The following ATP10A variants were observed in gnomAD, a reference collection of about 807,000 sequenced individuals.
ATP10A encodes the protein phospholipid-transporting ATPase VA.
In ATP10A, 111 loss-of-function variants were observed where a neutral mutation model predicts 147.8. The observed-to-expected ratio is 0.75, with a 90% CI of 0.64 to 0.88. ATP10A has a LOEUF of 0.88. Among genes scored for constraint, ATP10A ranks in the 40% least tolerant of loss-of-function variants. The pLI, the probability that ATP10A is intolerant of heterozygous loss-of-function variation, is 0.00. For missense variants in ATP10A, 1,927 were observed against 1,959.0 expected, an observed-to-expected ratio of 0.98 and a Z score of 0.31; for synonymous variants, 875 against 841.6, an observed-to-expected ratio of 1.04 and a Z score of -0.69.
At chr15:25,767,281 A>T (rs754462486) in intron 2 of ATP10A, among the ~76,000 whole-genome samples, 1 of 152,124 alleles carries the variant, frequency 6.6e-6, no homozygotes, top group South Asian at 2.1e-4. Context: ...ACGCTGTGGC[A>T]CCCCTGAGAC....
intron 1 of ATP10A, among the ~76,000 whole-genome samples, chr15:25,807,601 G>A (rs930903485): frequency 2.0e-5 from 3 of 152,236 alleles, no homozygotes; most frequent in Non-Finnish European, 2.9e-5. Context: ...TCAAGAGTTC[G>A]AGACCAGCCT....
At chr15:25,839,923 G>A (rs1405318479) in intron 1 of ATP10A, among the ~76,000 whole-genome samples, 1 of 152,130 alleles carries the variant, frequency 6.6e-6, no homozygotes, top group African/African-American at 2.4e-5. Context: ...GTGCATTCGT[G>A]TGCGTGTGTG....
chr15:25,796,795 C>T (rs146225644), intron 1 of ATP10A, among the ~76,000 whole-genome samples: 3 of 152,158 alleles, frequency 2.0e-5, no homozygotes, highest in Non-Finnish European at 2.9e-5. Context: ...TGGTGACAGC[C>T]GTAATTTGAG....
chr15:25,733,236 G>A (rs1887049652), intron 3 of ATP10A, among the ~76,000 whole-genome samples: 1 of 152,128 alleles, frequency 6.6e-6, no homozygotes, highest in Non-Finnish European at 1.5e-5. Flanking sequence ...AACCAGGGAG[G>A]TGGCTCTGCA....
chr15:25,847,793 G>A (rs947449772), intron 1 of ATP10A, among the ~76,000 whole-genome samples: 2 of 151,616 alleles, frequency 1.3e-5, no homozygotes, highest in Non-Finnish European at 2.9e-5. Context: ...ACCATGCCCA[G>A]CTAATTTTTC....
intron 1 of ATP10A, among the ~76,000 whole-genome samples, chr15:25,807,523 C>T (rs1475328165): frequency 1.3e-5 from 2 of 152,222 alleles, no homozygotes; most frequent in African/African-American, 2.4e-5. Context: ...ACACATGGGG[C>T]TGGGTGTGGT....
At chr15:25,685,791 T>C (rs10152572) in intron 16 of ATP10A, among the ~76,000 whole-genome samples, 45,488 of 147,346 alleles carry the variant, frequency 0.31, 8,408 homozygotes, top group African/African-American at 0.52. Flanking sequence ...GCCACTGCAC[T>C]CCAACCTGGG....
At chr15:25,863,442 G>C (rs1472888084), upstream of ATP10A, among the ~76,000 whole-genome samples, 1 of 152,188 alleles carries the variant, frequency 6.6e-6, no homozygotes, top group Admixed American at 6.5e-5. Flanking sequence ...GGCCACGCCG[G>C]ATAGCGGGAA....
At chr15:25,812,004 T>A (rs1891454633) in intron 1 of ATP10A, among the ~76,000 whole-genome samples, 1 of 152,198 alleles carries the variant, frequency 6.6e-6, no homozygotes, top group South Asian at 2.1e-4. Flanking sequence ...GAGACTGCTA[T>A]GGCTCTCACC....
At chr15:25,721,443 G>A (rs529576963) in intron 7 of ATP10A, among the ~76,000 whole-genome samples, 53 of 152,250 alleles carry the variant, frequency 3.5e-4, no homozygotes, top group Non-Finnish European at 4.7e-4. Context: ...GCGGGCGGCC[G>A]TGCCAGTGCC....
chr15:25,807,426 A>C (rs1026481243), intron 1 of ATP10A, among the ~76,000 whole-genome samples: 7 of 152,244 alleles, frequency 4.6e-5, no homozygotes, highest in Non-Finnish European at 1.0e-4. Flanking sequence ...GAAGGCTTTG[A>C]AAGTTCTTGT....
chr15:25,690,239 T>A (rs933272313), intron 15 of ATP10A, among the ~76,000 whole-genome samples: 1 of 142,432 alleles, frequency 7.0e-6, no homozygotes, highest in East Asian at 2.1e-4. Context: ...TTCCTTTTTT[T>A]TAAAAAAAAA....
At chr15:25,756,451 G>A (rs964660922) in intron 2 of ATP10A, among the ~76,000 whole-genome samples, 2 of 152,102 alleles carry the variant, frequency 1.3e-5, no homozygotes, top group African/African-American at 2.4e-5. Context: ...AGATCATCCC[G>A]GCTAACACGG....
At chr15:25,864,666 A>G (rs969760485), upstream of ATP10A, among the ~76,000 whole-genome samples, 3 of 152,210 alleles carry the variant, frequency 2.0e-5, no homozygotes, top group Non-Finnish European at 4.4e-5. Flanking sequence ...TTTGACATGT[A>G]GAGGCCCAGA....
Position 25,716,946 on chromosome 15 carries a change from A to C in ATP10A, c.1582-22T>G, listed in dbSNP as rs374331753. On this transcript the variant is annotated intron_variant, in intron 8 of 20. Coordinates refer to ENST00000555815, the MANE Select transcript of ATP10A (RefSeq NM_024490.4). ...TCTCCTGGGAGAAAGGGAGGCTGGC[A>C]GTGAGTCCCACCCAGTAGCCTGCCG... 139 of 1,539,302 alleles carry C rather than the reference A, an allele frequency of 9.0e-5. No homozygotes were observed. The African/African-American group carries it at 1.7e-3, about 19-fold the overall frequency.
intron 1 of ATP10A, among the ~76,000 whole-genome samples, chr15:25,821,475 AC>A (rs1372298354): frequency 1.3e-5 from 2 of 152,214 alleles, no homozygotes; most frequent in Non-Finnish European, 2.9e-5. Context: ...AAAACTGGAA[AC>A]AAAAAGATGT....
chr15:25,803,680 TC>T (rs1450924507), intron 1 of ATP10A, among the ~76,000 whole-genome samples: 1 of 149,030 alleles, frequency 6.7e-6, no homozygotes, highest in African/African-American at 2.6e-5. Flanking sequence ...TGCTTGCACT[TC>T]CGGGACAGCC....
intron 3 of ATP10A, among the ~76,000 whole-genome samples, chr15:25,732,103 C>T (rs902167176): frequency 6.6e-6 from 1 of 152,152 alleles, no homozygotes; most frequent in Non-Finnish European, 1.5e-5. Flanking sequence ...AACTCCTAAC[C>T]TCAAGTGAAC....
chr15:25,764,724 C>T (rs1350731007), intron 2 of ATP10A, among the ~76,000 whole-genome samples: 1 of 152,228 alleles, frequency 6.6e-6, no homozygotes, highest in Non-Finnish European at 1.5e-5. Flanking sequence ...AAGATATTCC[C>T]TTTCCAACAA....
Sources: allele counts gnomAD v4.1 joint callset (sites outside exome capture counted in the v4.1 genomes callset), GRCh38; gene constraint gnomAD v4.1.1; transcripts MANE v1.5; gene names NCBI Gene and HGNC (gene_info 2026-07-23, HGNC 2026-07-21).